The following PRDM16 variants were observed in gnomAD, a reference collection of about 807,000 sequenced individuals.
The protein encoded by PRDM16 is histone-lysine N-methyltransferase PRDM16.
In PRDM16, 23 loss-of-function variants were observed where a neutral mutation model predicts 110.6. The ratio of observed to expected loss-of-function variants is 0.21; its 90% CI spans 0.15 to 0.29. The LOEUF (loss-of-function observed/expected upper bound fraction) is 0.29. Among genes scored for constraint, PRDM16 ranks in the 10% least tolerant of loss-of-function variants. PRDM16 has a pLI of 1.00. For missense variants in PRDM16, 1,615 were observed against 1,794.3 expected, an observed-to-expected ratio of 0.90 and a Z score of 1.81; for synonymous variants, 799 against 781.8, an observed-to-expected ratio of 1.02 and a Z score of -0.37.
At position 3,218,510 on chromosome 1, in the gene PRDM16, G is replaced by T. The variant is rs143674008; in HGVS notation, c.388-25577G>T. The stretch of plus-strand genomic sequence containing the variant: ...CACATACGCACACGTGCACACAGAT[G>T]TGCCCGCCCGCACAGGTGGGCATCG... On this transcript the variant is annotated intron_variant, in intron 2 of 16. Transcript: ENST00000270722. 5.3e-3 allele frequency among the ~76,000 whole-genome samples: 803 copies of T among 152,340 alleles called. 8 individuals carry two copies. Among genetic ancestry groups the T allele is most frequent in the African/African-American group, 0.018 (756 of 41,564 alleles).
intron 3 of PRDM16, among the ~76,000 whole-genome samples, chr1:3,331,294 G>GCCCC (rs151213349): frequency 1.3e-4 from 20 of 151,326 alleles, no homozygotes; most frequent in African/African-American, 4.8e-4. Flanking sequence ...GAGAAAGGCA[G>GCCCC]CCCCCCCCCG....
chr1:3,413,150 C>T (rs1643723433), intron 9 of PRDM16, among the ~76,000 whole-genome samples: 1 of 151,498 alleles, frequency 6.6e-6, no homozygotes, highest in African/African-American at 2.4e-5. Flanking sequence ...AACCCACACC[C>T]TTCCCCACCC....
At position 3,119,150 on chromosome 1, in the gene PRDM16, C is replaced by T. The variant is rs146673728; in HGVS notation, c.37+49854C>T. ...GCTGGCCTAGTGACTTCCAGCTGCACAGCTATCGACCCAGGGCTGGACAGC... is the reference window on the plus strand; with the variant it reads ...GCTGGCCTAGTGACTTCCAGCTGCATAGCTATCGACCCAGGGCTGGACAGC... On this transcript the variant is annotated intron_variant, in intron 1 of 16. Coordinates refer to ENST00000270722, the MANE Select transcript of PRDM16 (RefSeq NM_022114.4). 1.8e-3 allele frequency among the ~76,000 whole-genome samples: 279 copies of T among 152,344 alleles called. 2 individuals carry two copies. Among genetic ancestry groups the T allele is most frequent in the African/African-American group, 6.1e-3 (252 of 41,596 alleles).
At chr1:3,105,130 A>T (rs188013928) in intron 1 of PRDM16, among the ~76,000 whole-genome samples, 66 of 151,984 alleles carry the variant, frequency 4.3e-4, no homozygotes, top group African/African-American at 1.6e-3. Flanking sequence ...CATCCCCCCA[A>T]GTAGTGAGCC....
At chr1:3,411,194 C>T (rs557665213) in intron 8 of PRDM16, among the ~76,000 whole-genome samples, 190 bp from the exon 9 acceptor site, 8 of 152,286 alleles carry the variant, frequency 5.3e-5, no homozygotes, top group South Asian at 2.1e-4. Flanking sequence ...TTTGTGTGTA[C>T]GCACACACGC....
chr1:3,122,540 A>G (rs1179716555), intron 1 of PRDM16, among the ~76,000 whole-genome samples: 2 of 152,176 alleles, frequency 1.3e-5, no homozygotes, highest in Non-Finnish European at 2.9e-5. Flanking sequence ...GGCCGCGTGG[A>G]GAAGTTTAAG....
At chr1:3,284,194 C>T (rs10909915) in intron 3 of PRDM16, among the ~76,000 whole-genome samples, 1,545 of 152,290 alleles carry the variant, frequency 0.01, 14 homozygotes, top group African/African-American at 0.034. Flanking sequence ...CAAAGCACAC[C>T]GGTTTGCAAA....
At chr1:3,177,284 C>G (rs567740858) in intron 1 of PRDM16, among the ~76,000 whole-genome samples, 1 of 152,320 alleles carries the variant, frequency 6.6e-6, no homozygotes, top group Non-Finnish European at 1.5e-5. Flanking sequence ...ATTCACACTC[C>G]CACCCATACC....
At chr1:3,140,077 G>A (rs763072594) in intron 1 of PRDM16, among the ~76,000 whole-genome samples, 8 of 152,352 alleles carry the variant, frequency 5.3e-5, no homozygotes, top group Middle Eastern at 3.4e-3. Context: ...CGAGACTGGC[G>A]TTTTAAACCA....
At chr1:3,166,431 C>T (rs1643957692) in intron 1 of PRDM16, among the ~76,000 whole-genome samples, 2 of 152,212 alleles carry the variant, frequency 1.3e-5, no homozygotes, top group Admixed American at 6.5e-5. Context: ...CGCTGAGGCG[C>T]GTCCGGGCGA....
chr1:3,189,502 G>A (rs756025744), intron 2 of PRDM16, among the ~76,000 whole-genome samples: 3 of 152,352 alleles, frequency 2.0e-5, no homozygotes, highest in Admixed American at 6.5e-5. Flanking sequence ...CCATGCGTGC[G>A]TGTCGTCTCT....
chr1:3,154,061 C>T (rs1450702002), intron 1 of PRDM16, among the ~76,000 whole-genome samples: 1 of 152,224 alleles, frequency 6.6e-6, no homozygotes, highest in Non-Finnish European at 1.5e-5. Flanking sequence ...CGTGCACTCT[C>T]CCAATCTGCG....
intron 2 of PRDM16, among the ~76,000 whole-genome samples, chr1:3,241,604 C>T (rs1639676127): frequency 6.6e-6 from 1 of 152,218 alleles, no homozygotes; most frequent in South Asian, 2.1e-4. Context: ...TGACAAGCTC[C>T]GGGGAGCAGG....
intron 5 of PRDM16, among the ~76,000 whole-genome samples, chr1:3,399,610 A>G (rs1173245801): frequency 6.6e-6 from 1 of 152,206 alleles, no homozygotes; most frequent in African/African-American, 2.4e-5. Context: ...ATGGTCACTG[A>G]AGTCGGCTCC....
At position 3,212,399 on chromosome 1, in the gene PRDM16, G is replaced by C. The variant is rs780978229; in HGVS notation, c.387+25925G>C. ...GCGGTGGGGGCAGGGCTGCCTGAGCGGGGGCACCTTTGAATTCTGGGAGTC... is the reference window on the plus strand; with the variant it reads ...GCGGTGGGGGCAGGGCTGCCTGAGCCGGGGCACCTTTGAATTCTGGGAGTC... On this transcript the variant is annotated intron_variant, in intron 2 of 16. Transcript: ENST00000270722. Among the ~76,000 whole-genome samples, 5 of 152,106 alleles carry C rather than the reference G, an allele frequency of 3.3e-5. No homozygotes were observed. The South Asian group carries it at 8.3e-4, about 25-fold the overall frequency.
At position 3,370,733 on chromosome 1, in the gene PRDM16, A is replaced by G. The variant is rs954719393; in HGVS notation, c.439-14419A>G. ...GAATGGTGTTCCCTTGTGTCTCACC[A>G]TACGAAGTTGGGGAAGCCATAAGTG... is the stretch of plus-strand genomic sequence containing the variant. On this transcript the variant is annotated intron_variant, in intron 3 of 16. Transcript: ENST00000270722. This position sits in a 1 kb window ranked among gnomAD's most constrained non-coding sequence, Gnocchi z 4.8. Among the ~76,000 whole-genome samples, 3 of 152,190 alleles carry G rather than the reference A, an allele frequency of 2.0e-5. No homozygotes were observed. The highest frequency in any genetic ancestry group is 7.2e-5 in the African/African-American group (3 of 41,438).
chr1:3,256,745 T>C (rs1030944865), intron 3 of PRDM16, among the ~76,000 whole-genome samples: 1 of 151,990 alleles, frequency 6.6e-6, no homozygotes, highest in Non-Finnish European at 1.5e-5. Context: ...TAGTCCCAGC[T>C]ACTAGGGAGG....
rs940546042 is a variant in PRDM16, at chr1:3,437,421, C to G, written c.*3610C>G. 1 of 231,434 alleles carries G rather than the reference C, an allele frequency of 4.3e-6. No homozygotes were observed. Among genetic ancestry groups the G allele is most frequent in the African/African-American group, 2.2e-5 (1 of 45,162 alleles). The allele number at this position is 231,434 out of a possible 1,614,324, so 14.3% of individuals were successfully genotyped here. ...TTGTGGTCCCCTGCCCCCTCTGTCCCGTCCCCCTGCCCAAGTGACTGAAAC... is the reference window on the plus strand; with the variant it reads ...TTGTGGTCCCCTGCCCCCTCTGTCCGGTCCCCCTGCCCAAGTGACTGAAAC... On this transcript the variant is annotated 3_prime_UTR_variant, in exon 17 of 17. Transcript: ENST00000270722.
intron 2 of PRDM16, among the ~76,000 whole-genome samples, chr1:3,194,641 G>A (rs372911858): frequency 2.4e-4 from 35 of 143,076 alleles, no homozygotes; most frequent in African/African-American, 4.7e-4. Context: ...CCGTCTCCCC[G>A]CCACACGCCA....
Sources: gnomAD v4.1 joint callset for allele counts (sites outside exome capture counted in the v4.1 genomes callset) on GRCh38, gnomAD v4.1.1 for gene constraint, Gnocchi (gnomAD v3.1) non-coding constraint, MANE v1.5 for transcripts, NCBI Gene and HGNC (gene_info 2026-07-23, HGNC 2026-07-21) for gene names.